RIMS2: variants seen among roughly 807,000 people sequenced by gnomAD.
RIMS2 encodes the protein regulating synaptic membrane exocytosis 2, also known as regulating synaptic membrane exocytosis protein 2.
In RIMS2, 59 loss-of-function variants were observed where a neutral mutation model predicts 174.4. That is an observed-to-expected ratio of 0.34 (90% CI 0.27 to 0.42). RIMS2 has a LOEUF of 0.42. RIMS2 is among the 10% of genes least tolerant of loss of function. The pLI is 1.00. For synonymous variants in RIMS2, 606 were observed against 572.5 expected, an observed-to-expected ratio of 1.06 and a Z score of -0.84; for missense variants, 1,620 against 1,666.3, an observed-to-expected ratio of 0.97 and a Z score of 0.48.
intron 2 of RIMS2, among the ~76,000 whole-genome samples, chr8:103,760,896 G>T (rs1438880811): frequency 1.3e-5 from 2 of 152,098 alleles, no homozygotes; most frequent in African/African-American, 2.4e-5. Flanking sequence ...TAATGAATTG[G>T]TGTTAATAGT....
chr8:104,199,122 C>T (rs1463369902), intron 19 of RIMS2, among the ~76,000 whole-genome samples: 4 of 152,040 alleles, frequency 2.6e-5, no homozygotes, highest in Admixed American at 6.5e-5. Context: ...AGTGCAGTGG[C>T]GCCATCTCGG....
chr8:103,983,445 T>A (rs1315279232), intron 16 of RIMS2, among the ~76,000 whole-genome samples: 1 of 152,142 alleles, frequency 6.6e-6, no homozygotes, highest in East Asian at 1.9e-4. Context: ...GCCAAAGCTA[T>A]CCTGAGCAAA....
chr8:104,054,813 C>T (rs769948791), intron 19 of RIMS2, among the ~76,000 whole-genome samples: 2 of 151,538 alleles, frequency 1.3e-5, no homozygotes, highest in African/African-American at 2.4e-5. Context: ...TTTTCCAGAC[C>T]CTGTTTAATC....
rs376224339 is a variant in RIMS2, at chr8:103,562,359, G to A, written c.176+61297G>A. On this transcript the variant is annotated intron_variant, in intron 1 of 23. Transcript: ENST00000504942. ...TGAATAAATACAGCTGTTCCAAATGGGAGAAATTGGCCAAAACAAGGGGCT... is the reference window on the plus strand; with the variant it reads ...TGAATAAATACAGCTGTTCCAAATGAGAGAAATTGGCCAAAACAAGGGGCT... Among the ~76,000 whole-genome samples the A allele has an allele frequency of 5.3e-5, 8 of 152,286 alleles. No individual in the cohort carries two copies. The South Asian group carries it at 8.3e-4, about 16-fold the overall frequency.
intron 1 of RIMS2, among the ~76,000 whole-genome samples, chr8:103,511,591 G>C (rs1024894809): frequency 1.3e-5 from 2 of 152,150 alleles, no homozygotes; most frequent in Non-Finnish European, 2.9e-5. Flanking sequence ...TCATGACAGG[G>C]TTTAGGATAT....
chr8:104,037,936 T>C (rs1048855846), intron 19 of RIMS2, among the ~76,000 whole-genome samples: 2 of 152,116 alleles, frequency 1.3e-5, no homozygotes, highest in Non-Finnish European at 2.9e-5. Flanking sequence ...TGTTTGGATA[T>C]ACAAAATACA....
At chr8:103,603,143 C>T (rs1298103569) in intron 1 of RIMS2, among the ~76,000 whole-genome samples, 1 of 114,266 alleles carries the variant, frequency 8.8e-6, no homozygotes, top group African/African-American at 3.3e-5. Context: ...GCTATCCCTC[C>T]CCCCTCCCCC....
At chr8:103,921,830 T>A (rs751703886) in intron 10 of RIMS2, 46 bp downstream of exon 13, 4 of 750,092 alleles carry the variant, frequency 5.3e-6, no homozygotes, top group African/African-American at 3.5e-5. Flanking sequence ...TATCAAATAG[T>A]GTTTTTAAAA....
intron 19 of RIMS2, among the ~76,000 whole-genome samples, chr8:104,046,386 G>T (rs1265111680): frequency 6.6e-6 from 1 of 151,984 alleles, no homozygotes; most frequent in Non-Finnish European, 1.5e-5. Context: ...GAATTTTGAG[G>T]AGACACAAAT....
At chr8:104,199,218 C>A (rs1384359184) in intron 19 of RIMS2, among the ~76,000 whole-genome samples, 1 of 152,022 alleles carries the variant, frequency 6.6e-6, no homozygotes, top group Admixed American at 6.5e-5. Flanking sequence ...CCCGCCACCA[C>A]GCCCGGCTAA....
chr8:104,002,187 T>G (rs2154552301), intron 17 of RIMS2, among the ~76,000 whole-genome samples: 1 of 152,234 alleles, frequency 6.6e-6, no homozygotes, highest in African/African-American at 2.4e-5. Flanking sequence ...GCACACTTTT[T>G]TTTTCTTATT....
At chr8:103,811,352 G>A (rs1295119315) in intron 3 of RIMS2, among the ~76,000 whole-genome samples, 2 of 152,078 alleles carry the variant, frequency 1.3e-5, no homozygotes, top group African/African-American at 2.4e-5. Flanking sequence ...TCATTGTGGA[G>A]CTTAAATCTA....
chr8:103,626,652 G>A (rs991008567), intron 1 of RIMS2, among the ~76,000 whole-genome samples: 4 of 152,088 alleles, frequency 2.6e-5, no homozygotes, highest in Admixed American at 6.5e-5. Context: ...ATATTTCCAC[G>A]TAGGTTCTTT....
chr8:104,239,891 G>A (rs2099277698), intron 19 of RIMS2, among the ~76,000 whole-genome samples: 1 of 152,130 alleles, frequency 6.6e-6, no homozygotes, highest in Non-Finnish European at 1.5e-5. Flanking sequence ...CTTGTCTGGA[G>A]GTTCTAGGGG....
chr8:103,597,516 G>C (rs1477137502), intron 1 of RIMS2, among the ~76,000 whole-genome samples: 1 of 152,052 alleles, frequency 6.6e-6, no homozygotes, highest in East Asian at 1.9e-4. Flanking sequence ...TGTCAGCACA[G>C]TAGGTCCCAC....
chr8:103,886,268 CG>C (rs151240570), intron 4 of RIMS2, 45 bp downstream of exon 7: 15,921 of 1,499,990 alleles, frequency 0.011, 287 homozygotes, highest in East Asian at 0.072. Flanking sequence ...ATTAGATAAG[CG>C]TTTTTTTTAA....
At chr8:104,109,296 C>CAAAAAAA (rs1170353786) in intron 19 of RIMS2, among the ~76,000 whole-genome samples, 2 of 50,214 alleles carry the variant, frequency 4.0e-5, no homozygotes, top group Non-Finnish European at 8.2e-5. Context: ...GACTCTGTCT[C>CAAAAAAA]AAAAAAAAAA....
chr8:103,788,932 G>C (rs1024806361), intron 3 of RIMS2, among the ~76,000 whole-genome samples: 12 of 152,244 alleles, frequency 7.9e-5, no homozygotes, highest in Non-Finnish European at 1.5e-4. Context: ...GACTCCGTGG[G>C]CGTTGGACCC....
intron 1 of RIMS2, among the ~76,000 whole-genome samples, chr8:103,681,602 T>C (rs1047131896): frequency 6.6e-6 from 1 of 151,984 alleles, no homozygotes; most frequent in African/African-American, 2.4e-5. Context: ...TAAAATATAG[T>C]CTATAATGGG....
Sources: gnomAD v4.1 joint callset for allele counts (sites outside exome capture counted in the v4.1 genomes callset) on GRCh38, gnomAD v4.1.1 for gene constraint, MANE v1.5 for transcripts, NCBI Gene and HGNC (gene_info 2026-07-23, HGNC 2026-07-21) for gene names.